VPS36: variants seen among roughly 807,000 people sequenced by gnomAD.
VPS36 encodes vacuolar protein-sorting-associated protein 36.
A neutral mutation model predicts 63.5 loss-of-function variants in VPS36; 31 were observed. The ratio of observed to expected loss-of-function variants is 0.49; its 90% CI spans 0.37 to 0.66. VPS36 has a LOEUF of 0.66. Among genes scored for constraint, VPS36 ranks in the 30% least tolerant of loss-of-function variants. The pLI is 0.00. For synonymous variants in VPS36, 138 were observed against 157.2 expected, an observed-to-expected ratio of 0.88 and a Z score of 0.91; for missense variants, 338 against 463.7, an observed-to-expected ratio of 0.73 and a Z score of 2.49.
intron 1 of VPS36, among the ~76,000 whole-genome samples, chr13:52,446,091 A>C (rs1594125773): frequency 1.4e-5 from 2 of 138,494 alleles, no homozygotes; most frequent in South Asian, 4.9e-4. Context: ...TCTACTAAAA[A>C]TAAAAAATAA....
intron 2 of VPS36, among the ~76,000 whole-genome samples, chr13:52,441,120 G>C (rs1958271523): frequency 6.6e-6 from 1 of 152,152 alleles, no homozygotes; most frequent in East Asian, 1.9e-4. Flanking sequence ...CCACAGACCA[G>C]TACTGGGGGT....
At chr13:52,447,866 C>T (rs1384786130) in intron 1 of VPS36, among the ~76,000 whole-genome samples, 26 of 151,366 alleles carry the variant, frequency 1.7e-4, no homozygotes, top group Non-Finnish European at 3.5e-4. Flanking sequence ...CACTGTAGCT[C>T]CATGAACAAA....
chr13:52,438,800 G>C (rs112464958), intron 3 of VPS36, among the ~76,000 whole-genome samples: 2 of 152,260 alleles, frequency 1.3e-5, no homozygotes, highest in East Asian at 3.9e-4. Context: ...TTAATGATCA[G>C]GCTAGAAACA....
chr13:52,442,232 C>T (rs1008036458), intron 2 of VPS36, 145 bp downstream of exon 2: 3 of 545,204 alleles, frequency 5.5e-6, no homozygotes, highest in Non-Finnish European at 9.0e-6. Flanking sequence ...ACTCCTGTAG[C>T]CCCGGCTACT....
intron 5 of VPS36, 39 bp from the exon 6 acceptor site, chr13:52,433,787 T>C: frequency 3.2e-6 from 5 of 1,553,424 alleles, no homozygotes; most frequent in Non-Finnish European, 4.4e-6. Context: ...ACATACAAAA[T>C]AGGAAGGAAA....
intron 1 of VPS36, chr13:52,450,080 G>C: frequency 4.0e-6 from 4 of 989,092 alleles, no homozygotes; most frequent in Non-Finnish European, 4.8e-6. Context: ...AAACGGGGCT[G>C]TCCGGTGCCG....
chr13:52,427,958 C>T (rs1337937327), intron 6 of VPS36, among the ~76,000 whole-genome samples: 1 of 152,102 alleles, frequency 6.6e-6, no homozygotes, highest in East Asian at 1.9e-4. Context: ...TACACAGCTG[C>T]AGGAATAGTT....
intron 11 of VPS36, among the ~76,000 whole-genome samples, chr13:52,417,485 C>G (rs1002233839): frequency 6.6e-6 from 1 of 152,142 alleles, no homozygotes; most frequent in African/African-American, 2.4e-5. Flanking sequence ...CTCAGCCTCC[C>G]CAGTAGCTGG....
rs182151652 is a variant in VPS36, at chr13:52,440,126, G to A, written c.166-958C>T. Among the ~76,000 whole-genome samples, 303 of 151,814 alleles carry A rather than the reference G, an allele frequency of 2.0e-3. 1 individual carries two copies. Among genetic ancestry groups the A allele is most frequent in the Non-Finnish European group, 3.6e-3 (244 of 67,970 alleles). Reference sequence around the variant, plus strand: ...CCCAAGTAGCTGGGATTATAGATGTGAGCCACCATGCCTGGCTCATTTTTG... The same window carrying A: ...CCCAAGTAGCTGGGATTATAGATGTAAGCCACCATGCCTGGCTCATTTTTG... On this transcript the variant is annotated intron_variant, in intron 2 of 13. Transcript: ENST00000378060.
Position 52,434,830 on chromosome 13 carries a change from G to A in VPS36, c.404C>T (p.Pro135Leu). 6.2e-7 allele frequency: 1 copy of A among 1,613,836 alleles called. No individual in the cohort carries two copies. Among genetic ancestry groups the A allele is most frequent in the Non-Finnish European group, 8.5e-7 (1 of 1,179,976 alleles). The change falls in exon 5 of 14, where the codon CCA becomes CTA. Residue 135 changes from proline (P) to leucine (L), a missense_variant. Physicochemically the swap from Pro to Leu is moderately conservative, Grantham distance 98. Coordinates refer to ENST00000378060, the MANE Select transcript of VPS36 (RefSeq NM_016075.4). ...EMTQRRWENM[P>L]VSQSLQTNRG... Reference sequence around the variant, plus strand: ...ATTTGTTTGTAATGACTGGGAAACTGGCATATTCTCCCATCTTCTTTGTGT... The same window carrying A: ...ATTTGTTTGTAATGACTGGGAAACTAGCATATTCTCCCATCTTCTTTGTGT...
chr13:52,420,442 C>T (rs1036203453), intron 10 of VPS36, among the ~76,000 whole-genome samples: 1 of 151,838 alleles, frequency 6.6e-6, no homozygotes, highest in African/African-American at 2.4e-5. Context: ...AAGCGATTCT[C>T]CTGCCTCAGC....
intron 1 of VPS36, 78 bp from the exon 2 acceptor site, chr13:52,442,523 C>G: frequency 8.2e-7 from 1 of 1,220,014 alleles, no homozygotes; most frequent in Non-Finnish European, 1.2e-6. Context: ...ATGAATTATA[C>G]CACACTAAAT....
chr13:52,412,725 G>A lies in VPS36; in HGVS notation c.*3105C>T, dbSNP rs1957959514. ...TTCATTCATTCAGTAAATATTTATT[G>A]AATGCTTATTGTGTCCAGGCCCTGT... On this transcript the variant is annotated 3_prime_UTR_variant, in exon 14 of 14. Transcript: ENST00000378060. 6.6e-6 allele frequency: 1 copy of A among 152,180 alleles called. No individual in the cohort carries two copies. Among genetic ancestry groups the A allele is most frequent in the African/African-American group, 2.4e-5 (1 of 41,430 alleles). The allele number at this position is 152,180 out of a possible 1,614,324, so 9.4% of individuals were successfully genotyped here. A position where few individuals can be genotyped will look rare whatever the true frequency, so the allele number is the denominator to read the frequency against.
rs933736917 is a variant in VPS36, at chr13:52,433,735, C to T, written c.455G>A (p.Arg152Lys). The change falls in exon 6 of 14, where the codon AGG (arginine) becomes AAG (lysine). Residue 152 changes from arginine (R) to lysine (K), a missense_variant. Physicochemically the swap from Arg to Lys is conservative, Grantham distance 26. Coordinates refer to ENST00000378060, the MANE Select transcript of VPS36 (RefSeq NM_016075.4). ...TNRGPQPGRI[R>K]AVGIVGIERK... Reference sequence around the variant, plus strand: ...TTCAATACCTACAATTCCTACAGCCCTTATTCTTCCTGGCTGAAAAAAAAA... The same window carrying T: ...TTCAATACCTACAATTCCTACAGCCTTTATTCTTCCTGGCTGAAAAAAAAA... 1.2e-6 allele frequency: 2 copies of T among 1,600,446 alleles called. No individual in the cohort carries two copies. The highest frequency in any genetic ancestry group is 1.7e-6 in the Non-Finnish European group (2 of 1,176,252).
chr13:52,429,367 G>C (rs1422313267), intron 6 of VPS36: 3 of 878,222 alleles, frequency 3.4e-6, no homozygotes, highest in Non-Finnish European at 4.1e-6. Context: ...CTGGTCATCT[G>C]CTAGAGCCTA....
chr13:52,418,131 T>G (rs1209872392), intron 10 of VPS36, 75 bp from the exon 11 acceptor site: 3 of 1,288,590 alleles, frequency 2.3e-6, no homozygotes, highest in Middle Eastern at 1.9e-4. Context: ...ATTTTAAAAT[T>G]ACCATTTATC....
chr13:52,443,295 A>G (rs2137807730), intron 1 of VPS36, among the ~76,000 whole-genome samples: 1 of 152,346 alleles, frequency 6.6e-6, no homozygotes, highest in Non-Finnish European at 1.5e-5. Flanking sequence ...CATTAGCATT[A>G]AACAAAAACC....
Position 52,434,578 on chromosome 13 carries a change from T to C in VPS36, c.441+215A>G, listed in dbSNP as rs189343700. ...TTCACAATGTTGGCCAGGCTGGTCTTGAACTCCTGACCTCATGATCCACCC... is the reference window on the plus strand; with the variant it reads ...TTCACAATGTTGGCCAGGCTGGTCTCGAACTCCTGACCTCATGATCCACCC... On this transcript the variant is annotated intron_variant, in intron 5 of 13. Transcript: ENST00000378060. Among the ~76,000 whole-genome samples the C allele has an allele frequency of 7.4e-3, 1,122 of 152,224 alleles. 6 individuals carry two copies. Among genetic ancestry groups the C allele is most frequent in the African/African-American group, 0.017 (698 of 41,534 alleles).
intron 1 of VPS36, 175 bp downstream of exon 1, chr13:52,450,324 C>G (rs1351261532): frequency 1.4e-5 from 17 of 1,178,848 alleles, no homozygotes; most frequent in Non-Finnish European, 1.8e-5. Flanking sequence ...CACGTGCTAC[C>G]GACCGGCGGG....
Sources: allele counts gnomAD v4.1 joint callset (sites outside exome capture counted in the v4.1 genomes callset), GRCh38; gene constraint gnomAD v4.1.1; transcripts MANE v1.5; gene names NCBI Gene and HGNC (gene_info 2026-07-23, HGNC 2026-07-21).